The following SGSM1 variants were observed in gnomAD, a reference collection of about 807,000 sequenced individuals.
SGSM1 encodes the protein RUN and TBC1 domain containing 2.
A neutral mutation model predicts 133.8 loss-of-function variants in SGSM1; 73 were observed. The ratio of observed to expected loss-of-function variants is 0.55; its 90% CI spans 0.45 to 0.66. SGSM1 has a LOEUF of 0.66. Ranked by LOEUF, SGSM1 falls within the 30% of genes least tolerant of loss-of-function variation. The pLI is 0.00. For synonymous variants in SGSM1, 563 were observed against 573.0 expected (o/e 0.98, Z 0.25); for missense variants, 1,213 against 1,448.1 (o/e 0.84, Z 2.64).
intron 16 of SGSM1, among the ~76,000 whole-genome samples, chr22:24,889,654 A>ATTT (rs201034986): frequency 5.2e-5 from 7 of 134,388 alleles, no homozygotes; most frequent in East Asian, 2.2e-4. Context: ...CCTTAAATTG[A>ATTT]TTTTTTTTTT....
intron 8 of SGSM1, among the ~76,000 whole-genome samples, chr22:24,857,009 C>G (rs1310407523): frequency 1.3e-5 from 2 of 152,044 alleles, no homozygotes; most frequent in East Asian, 3.9e-4. Context: ...ACCTTGTGAT[C>G]TGCCCGCTTT....
chr22:24,912,825 G>A, intron 22 of SGSM1, 73 bp downstream of exon 22: 2 of 934,972 alleles, frequency 2.1e-6, no homozygotes, highest in Non-Finnish European at 3.3e-6. Flanking sequence ...GCTCCAGACT[G>A]AGCTATTTAG....
At chr22:24,902,104 T>G in intron 20 of SGSM1, 147 bp downstream of exon 20, 1 of 842,792 alleles carries the variant, frequency 1.2e-6, no homozygotes, top group Non-Finnish European at 1.8e-6. Flanking sequence ...AGTGAAAATT[T>G]AACAACAATA....
At chr22:24,840,562 T>G (rs996134898) in intron 2 of SGSM1, among the ~76,000 whole-genome samples, 1 of 150,722 alleles carries the variant, frequency 6.6e-6, no homozygotes. Context: ...AGGCTGGTCT[T>G]GAACTCCTGA....
In SGSM1 at chr22:24,907,260, C is replaced by CAAAT. The variant is rs199825662; in HGVS notation, c.2818+2117_2818+2120dup. On this transcript the variant is annotated intron_variant, in intron 21 of 24. Coordinates refer to ENST00000400358, the MANE Select transcript of SGSM1 (RefSeq NM_001098497.3). ...GGGTGACAAGAGCAAAACTCCATCTCAAATAAATAAATAAATAAATAAATA... is the reference window on the plus strand; with the variant it reads ...GGGTGACAAGAGCAAAACTCCATCTCAAATAAATAAATAAATAAATAAATAAATA... Among the ~76,000 whole-genome samples, 558 of 142,660 alleles carry CAAAT rather than the reference C, an allele frequency of 3.9e-3. 1 individual carries two copies. The highest frequency in any genetic ancestry group is 5.7e-3 in the South Asian group (25 of 4,380). The allele number at this position is 142,660 out of a possible 152,430, so 93.6% of individuals were successfully genotyped here. A position where few individuals can be genotyped will look rare whatever the true frequency, so the allele number is the denominator to read the frequency against.
rs1212831350 is a variant in SGSM1, at chr22:24,884,093, C to A, written c.1536C>A (p.His512Gln). 1 of 1,613,490 alleles carries A rather than the reference C, an allele frequency of 6.2e-7. No homozygotes were observed. Among genetic ancestry groups the A allele is most frequent in the Non-Finnish European group, 8.5e-7 (1 of 1,179,762 alleles). Residue 512 changes from histidine to glutamine, a missense_variant, in exon 15 of 25, where the codon CAC becomes CAA. Transcript: ENST00000400358. ...YCRHLSTVRT[H>Q]LSALVNHMIV... ...GACACCTGTCCACCGTGAGAACCCA[C>A]CTATCAGCCCTGGTCAATCACATGA... is the stretch of plus-strand genomic sequence containing the variant.
chr22:24,855,478 C>A (rs779335111), intron 7 of SGSM1, 48 bp downstream of exon 7: 56 of 1,612,952 alleles, frequency 3.5e-5, no homozygotes, highest in Non-Finnish European at 4.7e-5. Context: ...TACATGAGGG[C>A]AGGAAGCAGG....
At chr22:24,914,335 T>C (rs1056086616) in intron 22 of SGSM1, among the ~76,000 whole-genome samples, 1 of 148,286 alleles carries the variant, frequency 6.7e-6, no homozygotes, top group South Asian at 2.1e-4. Context: ...CCAGGTGTGG[T>C]GGCACACGCC....
At chr22:24,923,288 A>AT (rs5844614) in intron 24 of SGSM1, among the ~76,000 whole-genome samples, 32,186 of 152,052 alleles carry the variant, frequency 0.21, 4,178 homozygotes, top group East Asian at 0.6. Context: ...GCCCCTGCAA[A>AT]TCACTATGAC....
chr22:24,914,062 G>A (rs1404074100), intron 22 of SGSM1, among the ~76,000 whole-genome samples: 3 of 151,980 alleles, frequency 2.0e-5, no homozygotes, highest in Admixed American at 6.6e-5. Context: ...AGGTTGAGGC[G>A]GGCGGATCAC....
At chr22:24,821,414 G>A (rs191380695) in intron 2 of SGSM1, among the ~76,000 whole-genome samples, 306 of 152,356 alleles carry the variant, frequency 2.0e-3, no homozygotes, top group Middle Eastern at 0.01. Flanking sequence ...AGGAGCAAAA[G>A]CACTGAGGCA....
chr22:24,835,110 C>A (rs1929353060), intron 2 of SGSM1, among the ~76,000 whole-genome samples: 2 of 152,050 alleles, frequency 1.3e-5, no homozygotes, highest in South Asian at 4.1e-4. Flanking sequence ...GTGATGTTTC[C>A]CCCTGCAAAG....
intron 21 of SGSM1, among the ~76,000 whole-genome samples, chr22:24,905,478 A>G (rs940316802): frequency 3.9e-5 from 6 of 152,218 alleles, no homozygotes; most frequent in African/African-American, 7.2e-5. Flanking sequence ...GGTGAGTTCT[A>G]TGAAACATTT....
intron 8 of SGSM1, among the ~76,000 whole-genome samples, chr22:24,858,050 C>G (rs182358873): frequency 6.6e-6 from 1 of 152,196 alleles, no homozygotes; most frequent in Non-Finnish European, 1.5e-5. Context: ...GATCATGGCT[C>G]ACTGCAGCCT....
chr22:24,863,287 G>A (rs11913421), intron 9 of SGSM1, among the ~76,000 whole-genome samples: 2,409 of 152,162 alleles, frequency 0.016, 63 homozygotes, highest in African/African-American at 0.055. Flanking sequence ...CTCCCGGGTA[G>A]CTGGGACTAC....
chr22:24,853,908 C>T (rs1467820799), intron 5 of SGSM1, among the ~76,000 whole-genome samples: 2 of 151,804 alleles, frequency 1.3e-5, no homozygotes, highest in African/African-American at 2.4e-5. Context: ...TGAGCCACTG[C>T]GCCTGGCCAA....
At chr22:24,806,644 C>A (rs542155729) in intron 2 of SGSM1, among the ~76,000 whole-genome samples, 160 bp downstream of exon 2, 1 of 151,614 alleles carries the variant, frequency 6.6e-6, no homozygotes, top group Admixed American at 6.6e-5. Context: ...GGGCAGGAGG[C>A]GCAGCGAGGG....
chr22:24,820,848 C>T (rs973386832), intron 2 of SGSM1, among the ~76,000 whole-genome samples: 2 of 152,110 alleles, frequency 1.3e-5, no homozygotes, highest in Non-Finnish European at 2.9e-5. Flanking sequence ...AGGGCAGAGG[C>T]GGATAATGAC....
chr22:24,822,371 C>T (rs930683513), intron 2 of SGSM1, among the ~76,000 whole-genome samples: 3 of 151,982 alleles, frequency 2.0e-5, no homozygotes, highest in South Asian at 4.2e-4. Context: ...GGATTACAGG[C>T]GTGAGCCACC....
Sources: allele counts gnomAD v4.1 joint callset (sites outside exome capture counted in the v4.1 genomes callset), GRCh38; gene constraint gnomAD v4.1.1; transcripts MANE v1.5; gene names NCBI Gene and HGNC (gene_info 2026-07-23, HGNC 2026-07-21).